The following DAPK2 variants were observed in gnomAD, a reference collection of about 807,000 sequenced individuals.
DAPK2 encodes death-associated protein kinase 2.
DAPK2 carries 35 observed loss-of-function variants against 44.1 expected under a neutral mutation model. That is an observed-to-expected ratio of 0.79 (90% CI 0.61 to 1.05). The LOEUF is 1.05. Among genes scored for constraint, DAPK2 ranks in the 50% least tolerant of loss-of-function variants. DAPK2 has a pLI of 0.00. For missense variants in DAPK2, 453 were observed against 483.2 expected, an observed-to-expected ratio of 0.94 and a Z score of 0.59; for synonymous variants, 174 against 182.6, an observed-to-expected ratio of 0.95 and a Z score of 0.38.
intron 3 of DAPK2, among the ~76,000 whole-genome samples, chr15:63,965,075 G>A: frequency 6.6e-6 from 1 of 152,148 alleles, no homozygotes; most frequent in East Asian, 1.9e-4. Flanking sequence ...TCGTTTGTTT[G>A]TACCCATCTA....
At chr15:63,942,551 CA>C (rs916623349) in intron 3 of DAPK2, among the ~76,000 whole-genome samples, 3 of 149,854 alleles carry the variant, frequency 2.0e-5, no homozygotes, top group Non-Finnish European at 3.0e-5. Flanking sequence ...GACTCCATCT[CA>C]AAAAAACAAC....
intron 1 of DAPK2, among the ~76,000 whole-genome samples, chr15:64,021,359 C>T (rs1595901160): frequency 6.6e-6 from 1 of 152,282 alleles, no homozygotes; most frequent in Middle Eastern, 3.4e-3. Flanking sequence ...GGTCTGTTCC[C>T]CTGCCCCACC....
chr15:64,040,185 C>G (rs776201652), exon 1 of DAPK2: 2 of 1,613,976 alleles, frequency 1.2e-6, no homozygotes, highest in South Asian at 2.2e-5. Context: ...CAGCTCCTCT[C>G]CGATGTCATA....
chr15:64,007,936 T>G (rs530267634), intron 1 of DAPK2, among the ~76,000 whole-genome samples: 2 of 152,234 alleles, frequency 1.3e-5, no homozygotes, highest in East Asian at 3.8e-4. Flanking sequence ...CCGCATGTTG[T>G]ATGATTGCAC....
At chr15:63,983,597 G>A (rs1483513308) in exon 2 of DAPK2, 1 of 1,614,178 alleles carries the variant, frequency 6.2e-7, no homozygotes, top group Non-Finnish European at 8.5e-7. Context: ...ATGACATTGT[G>A]GTGCAGCACC....
intron 1 of DAPK2, 45 bp from the exon 3 acceptor site, chr15:63,983,799 T>C (rs535643167): frequency 3.9e-5 from 61 of 1,568,280 alleles, no homozygotes; most frequent in Non-Finnish European, 4.7e-5. Flanking sequence ...ACTGTGGTCA[T>C]TGGGGAAATG....
At chr15:64,008,857 C>T (rs1272910475) in intron 1 of DAPK2, among the ~76,000 whole-genome samples, 1 of 152,146 alleles carries the variant, frequency 6.6e-6, no homozygotes, top group Non-Finnish European at 1.5e-5. Flanking sequence ...TGCTGTCATC[C>T]AATCAAGGGT....
At chr15:63,927,083 T>C (rs997491597) in intron 6 of DAPK2, among the ~76,000 whole-genome samples, 4 of 152,198 alleles carry the variant, frequency 2.6e-5, no homozygotes, top group African/African-American at 9.6e-5. Context: ...AGTTTCCTCA[T>C]CTGCAAAATG....
chr15:63,989,128 C>A (rs942482698), intron 1 of DAPK2, among the ~76,000 whole-genome samples: 1 of 145,268 alleles, frequency 6.9e-6, no homozygotes, highest in Non-Finnish European at 1.5e-5. Flanking sequence ...ACCAGTGAGC[C>A]GAGATCATGC....
At chr15:63,944,534 A>G (rs1369300639) in intron 3 of DAPK2, among the ~76,000 whole-genome samples, 1 of 152,210 alleles carries the variant, frequency 6.6e-6, no homozygotes, top group Non-Finnish European at 1.5e-5. Context: ...CATGTTTACT[A>G]AGCCAAATTT....
At chr15:64,017,372 A>G (rs1378836632) in intron 1 of DAPK2, among the ~76,000 whole-genome samples, 1 of 152,250 alleles carries the variant, frequency 6.6e-6, no homozygotes, top group East Asian at 1.9e-4. Flanking sequence ...CAAGGAAGGC[A>G]TAGGAAGAGA....
intron 8 of DAPK2, among the ~76,000 whole-genome samples, chr15:63,914,741 A>C (rs983109717): frequency 1.3e-5 from 2 of 152,058 alleles, no homozygotes; most frequent in African/African-American, 4.8e-5. Context: ...TGTGAATCCA[A>C]AGTCTCCGGG....
At chr15:63,934,249 G>GTTTTTT (rs772176640) in intron 4 of DAPK2, among the ~76,000 whole-genome samples, 5 of 63,288 alleles carry the variant, frequency 7.9e-5, no homozygotes, top group African/African-American at 1.3e-4. Flanking sequence ...TTTTATCCTA[G>GTTTTTT]TTTTTTTTTT....
At position 63,977,942 on chromosome 15, in the gene DAPK2, C is replaced by T. The variant is rs918860826; in HGVS notation, c.314+5591G>A. 2.6e-5 allele frequency among the ~76,000 whole-genome samples: 4 copies of T among 152,238 alleles called. 1 individual carries two copies. The highest frequency in any genetic ancestry group is 3.9e-4 in the East Asian group (2 of 5,184). On this transcript the variant is annotated intron_variant, in intron 2 of 10. Transcript: ENST00000261891. Reference sequence around the variant, plus strand: ...GCAAAATGGAAAGGCTCAAAGCAGCCCCAGGCACTGGGCAGTCCTCTGATA... The same window carrying T: ...GCAAAATGGAAAGGCTCAAAGCAGCTCCAGGCACTGGGCAGTCCTCTGATA...
intron 3 of DAPK2, among the ~76,000 whole-genome samples, chr15:63,947,221 G>C (rs1235520526): frequency 6.6e-6 from 1 of 151,796 alleles, no homozygotes; most frequent in Non-Finnish European, 1.5e-5. Flanking sequence ...CTTCTTCTAT[G>C]ATCTCCCTCC....
chr15:63,998,779 T>C (rs549083384), intron 1 of DAPK2, among the ~76,000 whole-genome samples: 179 of 152,302 alleles, frequency 1.2e-3, no homozygotes, highest in African/African-American at 4.1e-3. Flanking sequence ...GGCTGTAGTC[T>C]CCTGAAAGGA....
At chr15:64,039,261 T>A (rs1168088151) in intron 1 of DAPK2, among the ~76,000 whole-genome samples, 1 of 152,214 alleles carries the variant, frequency 6.6e-6, no homozygotes, top group Non-Finnish European at 1.5e-5. Context: ...TGCTGCGCTG[T>A]GTGTGAAGGG....
chr15:63,936,555 G>C (rs572079032), intron 4 of DAPK2, among the ~76,000 whole-genome samples: 2 of 152,236 alleles, frequency 1.3e-5, no homozygotes, highest in South Asian at 4.2e-4. Flanking sequence ...AGGTTGCAGT[G>C]AGCTGAGATC....
intron 3 of DAPK2, among the ~76,000 whole-genome samples, chr15:63,967,636 A>C (rs761667627): frequency 7.9e-5 from 12 of 152,112 alleles, no homozygotes; most frequent in Non-Finnish European, 1.5e-4. Flanking sequence ...GGCTGCAGGG[A>C]GCCGAGATTG....
Sources: allele counts gnomAD v4.1 joint callset (sites outside exome capture counted in the v4.1 genomes callset), GRCh38; gene constraint gnomAD v4.1.1; transcripts MANE v1.5; gene names NCBI Gene and HGNC (gene_info 2026-07-23, HGNC 2026-07-21).